Variants in TSPAN9 observed in about 807,000 individuals in gnomAD.
TSPAN9 encodes tetraspanin-9.
In TSPAN9, 16 loss-of-function variants were observed where a neutral mutation model predicts 31.0. The ratio of observed to expected loss-of-function variants is 0.52; its 90% confidence interval spans 0.35 to 0.78. The LOEUF (loss-of-function observed/expected upper bound fraction) is 0.78. Among genes scored for constraint, TSPAN9 ranks in the 30% least tolerant of loss-of-function variants. The pLI, the probability that TSPAN9 is intolerant of heterozygous loss-of-function variation, is 0.01. For missense variants in TSPAN9, 272 were observed against 312.5 expected (o/e 0.87, Z 0.98); for synonymous variants, 145 against 121.6 (o/e 1.19, Z -1.27).
intron 3 of TSPAN9, among the ~76,000 whole-genome samples, chr12:3,275,210 G>A (rs1862759901): frequency 6.6e-6 from 1 of 152,208 alleles, no homozygotes; most frequent in Non-Finnish European, 1.5e-5. Flanking sequence ...TATCCCAGGA[G>A]GGAAGTGGAG....
intron 3 of TSPAN9, among the ~76,000 whole-genome samples, chr12:3,205,322 T>G (rs1393896256): frequency 6.6e-6 from 1 of 152,214 alleles, no homozygotes; most frequent in Non-Finnish European, 1.5e-5. Flanking sequence ...GCCAGCCTGC[T>G]GGAACAGGGA....
At chr12:3,106,296 C>A (rs932587806) in intron 2 of TSPAN9, among the ~76,000 whole-genome samples, 1 of 152,358 alleles carries the variant, frequency 6.6e-6, no homozygotes, top group South Asian at 2.1e-4. Context: ...TTTTAGCTTA[C>A]CACATCCTGT....
chr12:3,117,303 A>G (rs1362658730), intron 2 of TSPAN9, among the ~76,000 whole-genome samples: 1 of 152,182 alleles, frequency 6.6e-6, no homozygotes, highest in Non-Finnish European at 1.5e-5. Flanking sequence ...CTGATAGGGC[A>G]GAGTCGGTGG....
chr12:3,136,636 C>G (rs1209408788), intron 2 of TSPAN9, among the ~76,000 whole-genome samples: 2 of 152,156 alleles, frequency 1.3e-5, no homozygotes, highest in Non-Finnish European at 2.9e-5. Context: ...CCTCAGATGC[C>G]TGAGGTCAGG....
At chr12:3,151,165 T>C (rs1182966010) in intron 2 of TSPAN9, 2 of 152,308 alleles carry the variant, frequency 1.3e-5, no homozygotes, top group East Asian at 1.9e-4. Flanking sequence ...TGTGTGTTTG[T>C]GTTTGCACAC....
At chr12:3,174,820 G>C (rs1219264832) in intron 2 of TSPAN9, among the ~76,000 whole-genome samples, 1 of 151,274 alleles carries the variant, frequency 6.6e-6, no homozygotes, top group African/African-American at 2.4e-5. Context: ...CTGACCTCGT[G>C]ATCCTCCCGC....
At chr12:3,227,567 C>CGGCT (rs2098388493) in intron 3 of TSPAN9, among the ~76,000 whole-genome samples, 1 of 152,146 alleles carries the variant, frequency 6.6e-6, no homozygotes, top group Admixed American at 6.5e-5. Flanking sequence ...ACCAGGAAGC[C>CGGCT]GCAGGTACCT....
At chr12:3,220,836 C>G (rs571937585) in intron 3 of TSPAN9, among the ~76,000 whole-genome samples, 3 of 152,194 alleles carry the variant, frequency 2.0e-5, no homozygotes, top group East Asian at 1.9e-4. Flanking sequence ...TGGGTTCTTC[C>G]GTTCAGAGGA....
intron 3 of TSPAN9, among the ~76,000 whole-genome samples, chr12:3,254,412 C>G (rs891100079): frequency 1.3e-5 from 2 of 152,204 alleles, no homozygotes; most frequent in African/African-American, 2.4e-5. Flanking sequence ...AGAAAATGGA[C>G]GCGAGTGCCC....
rs945554825 is a variant in TSPAN9, at chr12:3,192,481, C to T, written c.-17-8696C>T. 6.6e-5 allele frequency among the ~76,000 whole-genome samples: 10 copies of T among 152,074 alleles called. No individual in the cohort carries two copies. The highest frequency in any genetic ancestry group is 3.9e-4 in the East Asian group (2 of 5,188). On this transcript the variant is annotated intron_variant, in intron 2 of 8. Transcript: ENST00000011898. The surrounding 1 kb of genome is among the most constrained non-coding windows in gnomAD (Gnocchi z 4.6). Reference sequence around the variant, plus strand: ...CTTCGAGGTGGGAGCAAGTGACAACCGGGAGCCAAGGATGAGTCTGAGGCT... The same window carrying T: ...CTTCGAGGTGGGAGCAAGTGACAACTGGGAGCCAAGGATGAGTCTGAGGCT...
At chr12:3,087,033 G>A (rs1753476934) in intron 2 of TSPAN9, among the ~76,000 whole-genome samples, 1 of 152,224 alleles carries the variant, frequency 6.6e-6, no homozygotes, top group African/African-American at 2.4e-5. Flanking sequence ...AACAGGTGAG[G>A]GAAGTGAGCT....
At chr12:3,261,138 C>T (rs1033017638) in intron 3 of TSPAN9, among the ~76,000 whole-genome samples, 8 of 152,096 alleles carry the variant, frequency 5.3e-5, no homozygotes, top group East Asian at 1.9e-4. Context: ...GAAGAGGTGG[C>T]TGCAGGAGAT....
chr12:3,181,955 C>T (rs760214651), intron 2 of TSPAN9, among the ~76,000 whole-genome samples: 35 of 152,158 alleles, frequency 2.3e-4, no homozygotes, highest in Admixed American at 1.1e-3. Context: ...AGTGTGTGGA[C>T]ATGCACGTGC....
chr12:3,230,691 G>T (rs2098390251), intron 3 of TSPAN9, among the ~76,000 whole-genome samples: 1 of 152,024 alleles, frequency 6.6e-6, no homozygotes, highest in Non-Finnish European at 1.5e-5. Context: ...GGGAACTGAG[G>T]GGTAAGAGTC....
At chr12:3,128,301 A>AT (rs2098328243) in intron 2 of TSPAN9, among the ~76,000 whole-genome samples, 1 of 152,198 alleles carries the variant, frequency 6.6e-6, no homozygotes, top group African/African-American at 2.4e-5. Flanking sequence ...CACCTGTAGG[A>AT]TGCCCTCCTT....
At chr12:3,194,315 G>T (rs1049584521) in intron 2 of TSPAN9, among the ~76,000 whole-genome samples, 1 of 152,204 alleles carries the variant, frequency 6.6e-6, no homozygotes, top group Non-Finnish European at 1.5e-5. Flanking sequence ...TTTCTCCAGA[G>T]AGGGAGGTAC....
At chr12:3,105,768 GCA>G (rs543090813) in intron 2 of TSPAN9, among the ~76,000 whole-genome samples, 1 of 28,480 alleles carries the variant, frequency 3.5e-5, no homozygotes, top group African/African-American at 4.2e-5. Context: ...GCACACACGC[GCA>G]CGCACACACG....
At chr12:3,130,737 CAG>C (rs2098329447) in intron 2 of TSPAN9, among the ~76,000 whole-genome samples, 4 of 152,194 alleles carry the variant, frequency 2.6e-5, no homozygotes, top group African/African-American at 7.2e-5. Flanking sequence ...AAACGCTTAG[CAG>C]AGTGTCTGGC....
chr12:3,219,960 G>A (rs552208876), intron 3 of TSPAN9, among the ~76,000 whole-genome samples: 37 of 151,838 alleles, frequency 2.4e-4, no homozygotes, highest in Non-Finnish European at 2.8e-4. Flanking sequence ...TTCGAGACTA[G>A]CCTGGCCAAC....
Sources: allele counts gnomAD v4.1 joint callset (sites outside exome capture counted in the v4.1 genomes callset), GRCh38; gene constraint gnomAD v4.1.1; non-coding constraint Gnocchi (gnomAD v3.1); transcripts MANE v1.5; gene names NCBI Gene and HGNC (gene_info 2026-07-23, HGNC 2026-07-21).